The following MBD5 variants were observed in gnomAD, a reference collection of about 807,000 sequenced individuals.
The protein encoded by MBD5 is methyl-CpG binding domain protein 5.
In MBD5, 13 loss-of-function variants were observed where a neutral mutation model predicts 117.3. The ratio of observed to expected loss-of-function variants is 0.11; its 90% CI spans 0.07 to 0.18. MBD5 has a LOEUF of 0.18. Among genes scored for constraint, MBD5 ranks in the 10% least tolerant of loss-of-function variants. The pLI, the probability that MBD5 is intolerant of heterozygous loss-of-function variation, is 1.00. For missense variants in MBD5, 1,879 were observed against 2,093.8 expected, an observed-to-expected ratio of 0.90 and a Z score of 2.00; for synonymous variants, 727 against 766.4, an observed-to-expected ratio of 0.95 and a Z score of 0.85.
At chr2:148,232,043 A>G (rs144871819) in intron 2 of MBD5, among the ~76,000 whole-genome samples, 1 of 152,338 alleles carries the variant, frequency 6.6e-6, no homozygotes, top group African/African-American at 2.4e-5. Flanking sequence ...TCAAGGAAAA[A>G]GAGTGTTTTA....
rs190280034 is a variant in MBD5, at chr2:148,516,551, C to G, written c.*3610C>G. The G allele has an allele frequency of 1.8e-4, 27 of 152,294 alleles. No homozygotes were observed. The East Asian group carries it at 4.8e-3, about 27-fold the overall frequency. The allele number at this position is 152,294 out of a possible 1,614,324, so 9.4% of individuals were successfully genotyped here. On this transcript the variant is annotated 3_prime_UTR_variant, in exon 14 of 14. Transcript: ENST00000642680. The stretch of plus-strand genomic sequence containing the variant: ...TCTTTTTCTTTCATTCACTCTATCA[C>G]ATTTGCATTAGCCAAAGAGATAAGA...
intron 1 of MBD5, among the ~76,000 whole-genome samples, chr2:148,154,828 G>A (rs891152280): frequency 6.6e-6 from 1 of 152,146 alleles, no homozygotes. Flanking sequence ...TGCGCCCACT[G>A]TCTGGCACTC....
intron 1 of MBD5, among the ~76,000 whole-genome samples, chr2:148,102,650 T>A (rs1160632149): frequency 1.4e-5 from 2 of 148,022 alleles, no homozygotes; most frequent in Non-Finnish European, 3.0e-5. Context: ...GAGTCAGAAT[T>A]AAATTGCTTA....
chr2:148,134,234 A>AGATC (rs55672306), intron 1 of MBD5, among the ~76,000 whole-genome samples: 81,696 of 150,898 alleles, frequency 0.54, 22,246 homozygotes, highest in South Asian at 0.63. Flanking sequence ...ATAGATAGAT[A>AGATC]GATCGATCGA....
chr2:148,088,645 GACAA>G (rs1304343456), intron 1 of MBD5, among the ~76,000 whole-genome samples: 6 of 152,056 alleles, frequency 3.9e-5, no homozygotes, highest in African/African-American at 1.2e-4. Flanking sequence ...AAGTTTTTCA[GACAA>G]ACAAATACTG....
intron 4 of MBD5, among the ~76,000 whole-genome samples, chr2:148,387,516 T>C (rs565612190): frequency 2.6e-5 from 4 of 152,116 alleles, no homozygotes; most frequent in Admixed American, 2.6e-4. Flanking sequence ...TTAGTGGAGG[T>C]CAGAGTTCCC....
At chr2:148,327,700 T>C (rs1302600354) in intron 3 of MBD5, among the ~76,000 whole-genome samples, 1 of 151,964 alleles carries the variant, frequency 6.6e-6, no homozygotes. Context: ...CATCAGCTCC[T>C]TTAAGCACTT....
chr2:148,302,308 C>T (rs1192649910), intron 3 of MBD5, among the ~76,000 whole-genome samples: 1 of 152,178 alleles, frequency 6.6e-6, no homozygotes, highest in African/African-American at 2.4e-5. Flanking sequence ...GTGATCACTG[C>T]CTCCAGACCA....
chr2:148,255,492 C>T (rs1416806017), intron 3 of MBD5, among the ~76,000 whole-genome samples: 6 of 152,200 alleles, frequency 3.9e-5, no homozygotes, highest in Non-Finnish European at 7.4e-5. Flanking sequence ...TGACCAACCA[C>T]TGGCAATGGG....
chr2:148,215,137 G>A (rs768841816), intron 2 of MBD5, among the ~76,000 whole-genome samples: 5 of 152,036 alleles, frequency 3.3e-5, no homozygotes, highest in African/African-American at 1.2e-4. Context: ...TAATCTCCTC[G>A]CTGTGGTACT....
chr2:148,329,455 AC>A (rs1341150935), intron 3 of MBD5, among the ~76,000 whole-genome samples: 2 of 152,168 alleles, frequency 1.3e-5, no homozygotes, highest in Admixed American at 1.3e-4. Context: ...TGGAGTAGGT[AC>A]CTTTTTTCAA....
At chr2:148,463,443 G>C (rs893533830) in intron 6 of MBD5, among the ~76,000 whole-genome samples, 71 of 152,182 alleles carry the variant, frequency 4.7e-4, no homozygotes, top group African/African-American at 1.7e-3. Flanking sequence ...TTTTTACACT[G>C]TTAGAACATC....
intron 4 of MBD5, among the ~76,000 whole-genome samples, chr2:148,371,521 C>G (rs961756740): frequency 4.6e-5 from 7 of 152,104 alleles, no homozygotes; most frequent in African/African-American, 1.7e-4. Context: ...AAAGAACACT[C>G]TAGGAAACTA....
intron 1 of MBD5, among the ~76,000 whole-genome samples, chr2:148,159,311 T>A (rs964778766): frequency 6.6e-6 from 1 of 152,058 alleles, no homozygotes; most frequent in African/African-American, 2.4e-5. Context: ...TGTTTTGTTG[T>A]TGTTGTTGTT....
At chr2:148,102,729 CAGAGAGAG>C (rs70992193) in intron 1 of MBD5, among the ~76,000 whole-genome samples, 29,429 of 100,492 alleles carry the variant, frequency 0.29, 3,695 homozygotes, top group East Asian at 0.42. Flanking sequence ...CACACACACA[CAGAGAGAG>C]AGAGAGAGAG....
At chr2:148,159,758 C>T (rs1254352925) in intron 1 of MBD5, among the ~76,000 whole-genome samples, 3 of 152,098 alleles carry the variant, frequency 2.0e-5, no homozygotes, top group Admixed American at 1.3e-4. Flanking sequence ...GTTAAGCTTT[C>T]CCTTTGCAGG....
intron 11 of MBD5, among the ~76,000 whole-genome samples, chr2:148,494,001 A>G (rs1681611320): frequency 6.6e-6 from 1 of 152,176 alleles, no homozygotes; most frequent in African/African-American, 2.4e-5. Context: ...TGAGAATATT[A>G]ATTTCTATTC....
intron 3 of MBD5, among the ~76,000 whole-genome samples, chr2:148,314,802 A>G (rs1353533643): frequency 1.3e-5 from 2 of 152,186 alleles, no homozygotes; most frequent in African/African-American, 2.4e-5. Context: ...TCAACATAGC[A>G]TAACTCTAAA....
chr2:148,446,259 G>GT (rs1349029055), intron 4 of MBD5, among the ~76,000 whole-genome samples: 2 of 151,968 alleles, frequency 1.3e-5, no homozygotes, highest in Non-Finnish European at 2.9e-5. Flanking sequence ...GGTTTTTATG[G>GT]TTTTAGGTCT....
Sources: gnomAD v4.1 joint callset for allele counts (sites outside exome capture counted in the v4.1 genomes callset) on GRCh38, gnomAD v4.1.1 for gene constraint, MANE v1.5 for transcripts, NCBI Gene and HGNC (gene_info 2026-07-23, HGNC 2026-07-21) for gene names.